TAFA2: variants seen among roughly 807,000 people sequenced by gnomAD.
TAFA2 encodes the protein TAFA chemokine like family member 2, also known as chemokine-like protein TAFA-2.
Under a neutral mutation model 18.8 loss-of-function variants are expected in TAFA2, and 7 were observed. The ratio of observed to expected loss-of-function variants is 0.37; its 90% confidence interval spans 0.21 to 0.70. TAFA2 has a LOEUF of 0.70. Among genes scored for constraint, TAFA2 ranks in the 30% least tolerant of loss-of-function variants. TAFA2 has a pLI of 0.53. For missense variants in TAFA2, 122 were observed against 158.1 expected (o/e 0.77, Z 1.23); for synonymous variants, 60 against 54.2 (o/e 1.11, Z -0.47).
At chr12:62,079,729 GT>G (rs1464115927) in intron 1 of TAFA2, among the ~76,000 whole-genome samples, 1 of 151,782 alleles carries the variant, frequency 6.6e-6, no homozygotes, top group Admixed American at 6.6e-5. Context: ...CAACATTCCT[GT>G]CTCAAAATAA....
chr12:62,068,605 G>T (rs1052508096), intron 1 of TAFA2, among the ~76,000 whole-genome samples: 3 of 151,964 alleles, frequency 2.0e-5, no homozygotes, highest in African/African-American at 7.3e-5. Flanking sequence ...AATCATCAGA[G>T]GGGCTCACAT....
At chr12:62,128,717 A>G (rs993730570) in intron 1 of TAFA2, among the ~76,000 whole-genome samples, 9 of 152,132 alleles carry the variant, frequency 5.9e-5, no homozygotes, top group African/African-American at 2.2e-4. Context: ...GGCACATATT[A>G]GGTGTTTAAT....
intron 1 of TAFA2, among the ~76,000 whole-genome samples, chr12:61,973,395 A>ATTT (rs33918768): frequency 7.1e-4 from 96 of 135,566 alleles, no homozygotes; most frequent in African/African-American, 1.4e-3. Flanking sequence ...TATTATTTAG[A>ATTT]TTTTTTTTTT....
chr12:62,202,436 TC>T (rs1225997828), intron 1 of TAFA2, among the ~76,000 whole-genome samples: 3 of 151,856 alleles, frequency 2.0e-5, no homozygotes, highest in Admixed American at 1.3e-4. Flanking sequence ...AACTTCTGCC[TC>T]CCAGTTCAAG....
chr12:61,944,055 T>C (rs1252560203), intron 1 of TAFA2, among the ~76,000 whole-genome samples: 1 of 129,210 alleles, frequency 7.7e-6, no homozygotes, highest in Non-Finnish European at 1.6e-5. Flanking sequence ...TACTTGGAAG[T>C]AAAGCTCTCC....
chr12:62,128,058 A>C (rs959103950), intron 1 of TAFA2, among the ~76,000 whole-genome samples: 1 of 152,036 alleles, frequency 6.6e-6, no homozygotes, highest in Non-Finnish European at 1.5e-5. Flanking sequence ...AAGCAAGCAT[A>C]TGGTGGAAAA....
chr12:62,083,352 T>C (rs756443589), intron 1 of TAFA2, among the ~76,000 whole-genome samples: 25 of 151,950 alleles, frequency 1.6e-4, no homozygotes, highest in Non-Finnish European at 7.4e-5. Context: ...ATTACAAGAG[T>C]GTCTTCTCAG....
chr12:62,064,179 C>A (rs1286885525), intron 1 of TAFA2, among the ~76,000 whole-genome samples: 2 of 152,030 alleles, frequency 1.3e-5, no homozygotes, highest in Non-Finnish European at 2.9e-5. Flanking sequence ...AATCTGAGTT[C>A]ATTTTTTAAA....
At chr12:62,067,000 G>A (rs1376754066) in intron 1 of TAFA2, among the ~76,000 whole-genome samples, 5 of 151,994 alleles carry the variant, frequency 3.3e-5, no homozygotes, top group Non-Finnish European at 7.4e-5. Context: ...TTGGATAAAA[G>A]CCATTTTAAC....
chr12:62,250,676 C>T (rs1159224299), intron 1 of TAFA2, among the ~76,000 whole-genome samples: 1 of 152,068 alleles, frequency 6.6e-6, no homozygotes, highest in African/African-American at 2.4e-5. Context: ...TGGCCATTCT[C>T]TATGTATCTT....
chr12:61,899,007 C>A (rs1875978918), intron 1 of TAFA2, among the ~76,000 whole-genome samples: 1 of 152,174 alleles, frequency 6.6e-6, no homozygotes, highest in African/African-American at 2.4e-5. Flanking sequence ...AGGGCAGGGG[C>A]AAAATGGCAC....
chr12:62,115,169 A>G (rs987680938), intron 1 of TAFA2, among the ~76,000 whole-genome samples: 31 of 152,248 alleles, frequency 2.0e-4, no homozygotes, highest in African/African-American at 6.3e-4. Flanking sequence ...AGCCTAGAAA[A>G]GAAACTACTA....
chr12:61,883,540 G>C (rs1036083320), intron 1 of TAFA2, among the ~76,000 whole-genome samples: 17 of 152,192 alleles, frequency 1.1e-4, no homozygotes, highest in African/African-American at 4.1e-4. Flanking sequence ...CCAGTTTCTT[G>C]CTTCCTTCAA....
chr12:62,096,584 T>A (rs1428412256), intron 1 of TAFA2, among the ~76,000 whole-genome samples: 1 of 152,184 alleles, frequency 6.6e-6, no homozygotes, highest in Non-Finnish European at 1.5e-5. Context: ...TCCCCTTTTC[T>A]AAGTATTTCC....
chr12:61,725,758 G>A (rs1000442945), intron 4 of TAFA2, among the ~76,000 whole-genome samples: 3 of 151,698 alleles, frequency 2.0e-5, no homozygotes, highest in Non-Finnish European at 4.4e-5. Flanking sequence ...GTCTTGCTTT[G>A]GCAAAGCAAG....
At chr12:61,727,195 T>C (rs1870207677) in intron 4 of TAFA2, among the ~76,000 whole-genome samples, 1 of 152,006 alleles carries the variant, frequency 6.6e-6, no homozygotes, top group Non-Finnish European at 1.5e-5. Context: ...TTTTCTTTTT[T>C]TATGTTATCT....
intron 1 of TAFA2, among the ~76,000 whole-genome samples, chr12:62,060,587 T>TA (rs991605867): frequency 6.6e-6 from 1 of 152,168 alleles, no homozygotes; most frequent in Non-Finnish European, 1.5e-5. Context: ...TCCTTCTGCT[T>TA]AAAAAAATTT....
chr12:62,146,055 G>A (rs1458148063), intron 1 of TAFA2, among the ~76,000 whole-genome samples: 2 of 152,260 alleles, frequency 1.3e-5, no homozygotes, highest in African/African-American at 2.4e-5. Context: ...TTTCACTCCA[G>A]TTCTCCATTT....
At position 61,709,667 on chromosome 12, in the gene TAFA2, G is replaced by C. The variant is rs2120525702; in HGVS notation, c.*739C>G. On this transcript the variant is annotated 3_prime_UTR_variant, in exon 5 of 5. Transcript: ENST00000416284. ...CTAGAGGTACAAAGTATTATATAAT[G>C]AAAATGGCAATCCAGTTCTAACTAC... 1 of 152,104 alleles carries C rather than the reference G, an allele frequency of 6.6e-6. No homozygotes were observed. The allele number at this position is 152,104 out of a possible 1,614,324, so 9.4% of individuals were successfully genotyped here. A position where few individuals can be genotyped will look rare whatever the true frequency, so the allele number is the denominator to read the frequency against.
Sources: gnomAD v4.1 joint callset for allele counts (sites outside exome capture counted in the v4.1 genomes callset) on GRCh38, gnomAD v4.1.1 for gene constraint, MANE v1.5 for transcripts, NCBI Gene and HGNC (gene_info 2026-07-23, HGNC 2026-07-21) for gene names.